Variants in SHISA9 observed in about 807,000 individuals in gnomAD.
SHISA9 encodes the protein protein shisa-9.
A neutral mutation model predicts 38.0 loss-of-function variants in SHISA9; 13 were observed. The observed-to-expected ratio is 0.34, with a 90% CI of 0.22 to 0.54. SHISA9 has a LOEUF of 0.54. Among genes scored for constraint, SHISA9 ranks in the 20% least tolerant of loss-of-function variants. The pLI is 0.91. For synonymous variants in SHISA9, 275 were observed against 242.0 expected (o/e 1.14, Z -1.27); for missense variants, 538 against 575.8 (o/e 0.93, Z 0.67).
the SHISA9 span, among the ~76,000 whole-genome samples, chr16:13,517,242 G>C: frequency 6.6e-6 from 1 of 152,192 alleles, no homozygotes; most frequent in African/African-American, 2.4e-5. Flanking sequence ...CGGAAGCTAA[G>C]AGACAAGCAC....
the SHISA9 span, among the ~76,000 whole-genome samples, chr16:13,478,645 G>C: frequency 2.0e-5 from 3 of 152,162 alleles, no homozygotes; most frequent in Non-Finnish European, 4.4e-5. Context: ...TAGTACTTCT[G>C]CCAAACATAT....
At chr16:13,356,519 A>G in the SHISA9 span, among the ~76,000 whole-genome samples, 1 of 152,130 alleles carries the variant, frequency 6.6e-6, no homozygotes, top group Non-Finnish European at 1.5e-5. Flanking sequence ...ACGAAACGGT[A>G]AGCCAGACCA....
chr16:13,309,503 T>C, the SHISA9 span, among the ~76,000 whole-genome samples: 7 of 151,580 alleles, frequency 4.6e-5, no homozygotes, highest in Non-Finnish European at 7.4e-5. Context: ...ATCAGCTAGG[T>C]GTGGTGGCAC....
chr16:13,221,539 A>G (rs773955651), intron 4 of SHISA9, among the ~76,000 whole-genome samples: 4 of 151,878 alleles, frequency 2.6e-5, no homozygotes, highest in Admixed American at 6.6e-5. Context: ...ACGGTCCTAT[A>G]TAAGTTAAAT....
chr16:13,528,271 C>T, the SHISA9 span, among the ~76,000 whole-genome samples: 3 of 152,078 alleles, frequency 2.0e-5, no homozygotes, highest in African/African-American at 7.2e-5. Flanking sequence ...GGAGACATAA[C>T]ATCATATAAC....
At chr16:12,984,423 A>T (rs1231431509) in intron 2 of SHISA9, among the ~76,000 whole-genome samples, 1 of 152,126 alleles carries the variant, frequency 6.6e-6, no homozygotes, top group East Asian at 1.9e-4. Context: ...ATTCTCTCTT[A>T]TTTACTGATA....
At chr16:13,032,167 C>T (rs1377501207) in intron 2 of SHISA9, among the ~76,000 whole-genome samples, 1 of 152,090 alleles carries the variant, frequency 6.6e-6, no homozygotes, top group Non-Finnish European at 1.5e-5. Context: ...AATGCTTTCC[C>T]TCCTCTTGCC....
chr16:13,450,767 G>T, the SHISA9 span, among the ~76,000 whole-genome samples: 4 of 151,960 alleles, frequency 2.6e-5, no homozygotes, highest in Non-Finnish European at 5.9e-5. Flanking sequence ...AATCTGTGTT[G>T]TTGTTTTGTT....
At chr16:13,508,126 T>G in the SHISA9 span, among the ~76,000 whole-genome samples, 38 of 152,170 alleles carry the variant, frequency 2.5e-4, no homozygotes, top group Non-Finnish European at 5.4e-4. Flanking sequence ...TTTCCTTTTC[T>G]GTAATATGGG....
At chr16:13,171,756 T>G (rs903495747) in intron 2 of SHISA9, among the ~76,000 whole-genome samples, 1 of 152,126 alleles carries the variant, frequency 6.6e-6, no homozygotes, top group African/African-American at 2.4e-5. Flanking sequence ...ACTGTCATCT[T>G]TATCCTGAGA....
chr16:13,254,992 T>C, the SHISA9 span, among the ~76,000 whole-genome samples: 5 of 152,302 alleles, frequency 3.3e-5, no homozygotes, highest in African/African-American at 1.2e-4. Flanking sequence ...GGAGCTTCTT[T>C]AATTTTTTTT....
chr16:13,304,251 C>T, the SHISA9 span, among the ~76,000 whole-genome samples: 5 of 152,282 alleles, frequency 3.3e-5, no homozygotes, highest in South Asian at 6.2e-4. Context: ...CTTCATCACA[C>T]GGAAGTTGCC....
chr16:13,095,529 A>G (rs1241150159), intron 2 of SHISA9, among the ~76,000 whole-genome samples: 2 of 152,232 alleles, frequency 1.3e-5, no homozygotes, highest in Admixed American at 6.5e-5. Context: ...CCTCCTCAGA[A>G]CTGTTCTAGC....
At chr16:12,910,588 G>A (rs2071169452) in intron 1 of SHISA9, 1 of 985,390 alleles carries the variant, frequency 1.0e-6, no homozygotes, top group African/African-American at 1.7e-5. Context: ...TCAATATTCA[G>A]TCATTTCAAC....
chr16:13,337,034 A>G, the SHISA9 span, among the ~76,000 whole-genome samples: 1 of 152,232 alleles, frequency 6.6e-6, no homozygotes, highest in South Asian at 2.1e-4. Flanking sequence ...GTATGATGAC[A>G]AATGTTAACT....
chr16:13,129,898 C>A (rs2050292545), intron 2 of SHISA9, among the ~76,000 whole-genome samples: 1 of 152,174 alleles, frequency 6.6e-6, no homozygotes, highest in African/African-American at 2.4e-5. Context: ...GAGTGAAGCT[C>A]CTCCACTCTT....
At chr16:13,503,978 C>G in the SHISA9 span, among the ~76,000 whole-genome samples, 47 of 152,200 alleles carry the variant, frequency 3.1e-4, no homozygotes, top group African/African-American at 1.1e-3. Flanking sequence ...GGAAGGCTCC[C>G]CCTCAGGTGG....
intron 2 of SHISA9, among the ~76,000 whole-genome samples, chr16:13,072,665 C>CTT (rs1051565551): frequency 7.5e-5 from 11 of 145,792 alleles, no homozygotes; most frequent in African/African-American, 2.5e-4. Context: ...AAAGTAAAAT[C>CTT]TTTTTTTTTT....
At chr16:12,980,691 C>T (rs1054383790) in intron 2 of SHISA9, among the ~76,000 whole-genome samples, 16 of 151,616 alleles carry the variant, frequency 1.1e-4, no homozygotes, top group Admixed American at 3.9e-4. Context: ...ATTATTTTGA[C>T]GTTAGTGTTT....
Sources: gnomAD v4.1 joint callset for allele counts (sites outside exome capture counted in the v4.1 genomes callset) on GRCh38, gnomAD v4.1.1 for gene constraint, MANE v1.5 for transcripts, NCBI Gene and HGNC (gene_info 2026-07-23, HGNC 2026-07-21) for gene names.